SYNE1: variants seen among roughly 807,000 people sequenced by gnomAD.
The protein encoded by SYNE1 is nesprin-1.
In SYNE1, 616 loss-of-function variants were observed where a neutral mutation model predicts 1,111.0. The observed-to-expected ratio is 0.55, with a 90% CI of 0.52 to 0.59. The LOEUF is 0.59. Among genes scored for constraint, SYNE1 ranks in the 20% least tolerant of loss-of-function variants. SYNE1 has a pLI of 0.00. For synonymous variants in SYNE1, 3,855 were observed against 3,825.8 expected (o/e 1.01, Z -0.28); for missense variants, 10,006 against 10,417.0 (o/e 0.96, Z 1.72).
chr6:152,631,807 G>A (rs973870159), intron 2 of SYNE1, among the ~76,000 whole-genome samples: 11 of 152,038 alleles, frequency 7.2e-5, no homozygotes, highest in African/African-American at 2.7e-4. Context: ...AGGATTTGGG[G>A]TGCCATTAAT....
At chr6:152,160,538 T>A (rs545178744) in intron 131 of SYNE1, among the ~76,000 whole-genome samples, 1 of 152,306 alleles carries the variant, frequency 6.6e-6, no homozygotes, top group Admixed American at 6.5e-5. Context: ...CCTCTTGCTT[T>A]AGTGCGTGTA....
intron 128 of SYNE1, among the ~76,000 whole-genome samples, chr6:152,188,471 C>A (rs2070917315): frequency 6.6e-6 from 1 of 151,858 alleles, no homozygotes; most frequent in African/African-American, 2.4e-5. Flanking sequence ...TAAAGTATGA[C>A]TAAAAATAAA....
Position 152,505,239 on chromosome 6 carries a change from T to C in SYNE1, c.740A>G (p.Glu247Gly). ...CAGTCTTGGGATCCCCAGTTCTGTT[T>C]CGGCGATAGTGAAAGCATCCTCCAA... ...ENLEDAFTIA[E>G]TELGIPRLLD... Residue 247 changes from glutamate (E) to glycine (G), a missense_variant, in exon 9 of 146, where the codon GAA becomes GGA. Transcript: ENST00000367255. The C allele has an allele frequency of 3.1e-6, 5 of 1,614,066 alleles. No homozygotes were observed. The highest frequency in any genetic ancestry group is 4.2e-6 in the Non-Finnish European group (5 of 1,179,980).
intron 121 of SYNE1, 41 bp from the exon 122 acceptor site, chr6:152,215,101 A>G: frequency 5.6e-6 from 9 of 1,611,454 alleles, no homozygotes; most frequent in Non-Finnish European, 7.6e-6. Flanking sequence ...ACCATGGTCA[A>G]AAAAGTCAAA....
intron 14 of SYNE1, 76 bp from the exon 15 acceptor site, chr6:152,472,489 C>A (rs746884322): frequency 1.5e-6 from 2 of 1,326,742 alleles, no homozygotes. Context: ...ATTTCCAGCC[C>A]GCACCGATGA....
chr6:152,487,811 C>T (rs556248451), intron 12 of SYNE1, among the ~76,000 whole-genome samples: 2 of 152,270 alleles, frequency 1.3e-5, no homozygotes, highest in East Asian at 1.9e-4. Flanking sequence ...CATGGTGGCT[C>T]ACGCCTGTAA....
At chr6:152,279,389 T>C (rs1255186104) in intron 97 of SYNE1, among the ~76,000 whole-genome samples, 2 of 151,988 alleles carry the variant, frequency 1.3e-5, no homozygotes, top group Non-Finnish European at 2.9e-5. Context: ...TGAGAAAAGA[T>C]ACTTCATTTC....
intron 3 of SYNE1, among the ~76,000 whole-genome samples, chr6:152,611,845 A>C (rs1397294495): frequency 1.3e-5 from 2 of 152,090 alleles, no homozygotes; most frequent in African/African-American, 4.8e-5. Context: ...TAAGAAACTC[A>C]CTCAAAACCT....
At chr6:152,363,643 C>T (rs2096990320) in intron 63 of SYNE1, 2 of 423,320 alleles carry the variant, frequency 4.7e-6, no homozygotes, top group African/African-American at 4.1e-5. Context: ...CCATCCACAC[C>T]CCCGGATCAC....
chr6:152,179,026 G>C (rs2067205129), intron 129 of SYNE1, among the ~76,000 whole-genome samples: 1 of 146,876 alleles, frequency 6.8e-6, no homozygotes, highest in South Asian at 2.1e-4. Flanking sequence ...TGATTCTCTT[G>C]CCTCGGCCTC....
At chr6:152,469,438 G>T (rs9371601) in intron 16 of SYNE1, among the ~76,000 whole-genome samples, 69,917 of 151,618 alleles carry the variant, frequency 0.46, 18,037 homozygotes, top group East Asian at 0.76. Flanking sequence ...ACCAAACACA[G>T]TTCTAGTGGC....
intron 18 of SYNE1, chr6:152,464,846 T>G (rs1235636776): frequency 3.7e-6 from 1 of 270,622 alleles, no homozygotes; most frequent in African/African-American, 2.2e-5. Context: ...AAACAGAATA[T>G]CTAACGAGAT....
In SYNE1 at chr6:152,433,831, C is replaced by G. The variant is rs774310014; in HGVS notation, c.4425G>C (p.Ser1475=). The G allele has an allele frequency of 6.2e-7, 1 of 1,613,848 alleles. No individual in the cohort carries two copies. The highest frequency in any genetic ancestry group is 8.5e-7 in the Non-Finnish European group (1 of 1,179,808). ...TGATTTGCATGTCCATGGCAGATGA[C>G]GAAGTTTCCAAGGCATTGAGTTCTT... ...KEKELNALET[S]SSAMDMQISQ... The change falls in exon 34 of 146, where the codon TCG becomes TCC. Residue 1475 remains serine (S), a synonymous_variant. Coordinates refer to ENST00000367255, the MANE Select transcript of SYNE1 (RefSeq NM_182961.4).
Position 152,511,008 on chromosome 6 carries a change from T to C in SYNE1, c.402+3A>G. The C allele has an allele frequency of 6.2e-7, 1 of 1,613,300 alleles. No individual in the cohort carries two copies. The highest frequency in any genetic ancestry group is 1.3e-5 in the African/African-American group (1 of 75,028). ...AACTGAAAGAGGAACTGTAGCACAA[T>C]ACCTGGAAATATAGAATAATGGTCC... On this transcript the variant is annotated splice_donor_region_variant and intron_variant, in intron 7 of 145. Transcript: ENST00000367255.
chr6:152,448,920 T>G (rs925959179), intron 28 of SYNE1, among the ~76,000 whole-genome samples: 15 of 152,174 alleles, frequency 9.9e-5, no homozygotes, highest in African/African-American at 3.6e-4. Context: ...ACAGCAACTA[T>G]GTGGCAACTT....
chr6:152,550,809 T>G (rs2099342252), intron 3 of SYNE1, among the ~76,000 whole-genome samples: 1 of 152,112 alleles, frequency 6.6e-6, no homozygotes, highest in South Asian at 2.1e-4. Context: ...AAATAGTATG[T>G]GCACCGTATC....
intron 91 of SYNE1, among the ~76,000 whole-genome samples, chr6:152,304,080 C>T (rs974843316): frequency 1.3e-5 from 2 of 152,234 alleles, no homozygotes; most frequent in African/African-American, 2.4e-5. Flanking sequence ...AAAAAGTAGA[C>T]ATCATTGCTT....
chr6:152,563,220 C>T (rs1487529804), intron 3 of SYNE1, among the ~76,000 whole-genome samples: 1 of 152,102 alleles, frequency 6.6e-6, no homozygotes, highest in Non-Finnish European at 1.5e-5. Context: ...TCAGTCGTAT[C>T]TAAACCAAAC....
chr6:152,530,510 T>A (rs1192448058), intron 4 of SYNE1, among the ~76,000 whole-genome samples: 1 of 151,104 alleles, frequency 6.6e-6, no homozygotes, highest in Non-Finnish European at 1.5e-5. Context: ...CCCCTTTATG[T>A]GCAGTTTCAA....
Sources: allele counts gnomAD v4.1 joint callset (sites outside exome capture counted in the v4.1 genomes callset), GRCh38; gene constraint gnomAD v4.1.1; transcripts MANE v1.5; gene names NCBI Gene and HGNC (gene_info 2026-07-23, HGNC 2026-07-21).